The following PODN variants were observed in gnomAD, a reference collection of about 807,000 sequenced individuals.
The protein encoded by PODN is podocan proteoglycan.
A neutral mutation model predicts 52.7 loss-of-function variants in PODN; 40 were observed. That is an observed-to-expected ratio of 0.76 (90% CI 0.59 to 0.99). The LOEUF is 0.99. Ranked by LOEUF, PODN falls within the 50% of genes least tolerant of loss-of-function variation. The pLI, the probability that PODN is intolerant of heterozygous loss-of-function variation, is 0.00. For missense variants in PODN, 720 were observed against 815.1 expected (o/e 0.88, Z 1.42); for synonymous variants, 396 against 377.9 (o/e 1.05, Z -0.56).
intron 1 of PODN, among the ~76,000 whole-genome samples, chr1:53,069,417 C>T (rs575077111): frequency 2.5e-4 from 38 of 152,332 alleles, no homozygotes; most frequent in Non-Finnish European, 4.0e-4. Context: ...CCGGGACGCA[C>T]CCTGCCAGTG....
intron 9 of PODN, among the ~76,000 whole-genome samples, chr1:53,081,519 C>T (rs1015075544): frequency 2.0e-4 from 30 of 152,190 alleles, no homozygotes; most frequent in African/African-American, 7.2e-4. Flanking sequence ...GAGTGAGGGG[C>T]CTGAGATCAG....
chr1:53,077,594 T>C (rs1644214420), intron 6 of PODN, 91 bp from the exon 7 acceptor site: 1 of 1,318,464 alleles, frequency 7.6e-7, no homozygotes, highest in Non-Finnish European at 1.1e-6. Flanking sequence ...TCCTGGTGGC[T>C]TCCCAGACTC....
intron 5 of PODN, among the ~76,000 whole-genome samples, chr1:53,076,312 G>T (rs564477305): frequency 2.0e-5 from 3 of 152,360 alleles, no homozygotes; most frequent in African/African-American, 7.2e-5. Context: ...AGAGCAGTGT[G>T]GTGCAGGCGG....
intron 1 of PODN, among the ~76,000 whole-genome samples, chr1:53,065,435 T>G (rs1557645660): frequency 1.3e-5 from 2 of 152,046 alleles, no homozygotes; most frequent in Non-Finnish European, 2.9e-5. Flanking sequence ...AACCAGGTAG[T>G]AGGGCTGGAC....
Position 53,083,585 on chromosome 1 carries a change from G to A in PODN, c.*28-928G>A, listed in dbSNP as rs573611520. ...ATCCCTCCAGTCTTCCGTTTTCTCT[G>A]TGCAGCAGGGAGGTTCTCCGCAGAC... is the stretch of plus-strand genomic sequence containing the variant. On this transcript the variant is annotated intron_variant, in intron 10 of 10. Coordinates refer to ENST00000312553, the MANE Select transcript of PODN (RefSeq NM_153703.5). Among the ~76,000 whole-genome samples, 6 of 152,352 alleles carry A rather than the reference G, an allele frequency of 3.9e-5. No homozygotes were observed. In the South Asian group the frequency reaches 1.2e-3, roughly 32 times the overall value.
intron 4 of PODN, 133 bp from the exon 5 acceptor site, chr1:53,075,729 G>A (rs1009699727): frequency 8.4e-6 from 6 of 712,830 alleles, no homozygotes; most frequent in African/African-American, 5.3e-5. Context: ...GGTGGGACAA[G>A]TTTCAATTTG....
At position 53,080,803 on chromosome 1, in the gene PODN, C is replaced by T. The variant is rs1186777121; in HGVS notation, c.1588C>T (p.Gln530Ter). 3 of 1,614,132 alleles carry T rather than the reference C, an allele frequency of 1.9e-6. 1 individual carries two copies. The highest frequency in any genetic ancestry group is 2.2e-5 in the South Asian group (2 of 91,082). ...CGAGTCACTTGAGTACCTGTACCTG[C>T]AGAACAACAAGATTAGTGCGGTGCC... ...LPESLEYLYLQNNKISAVPAN... is the reference protein window; with the variant it reads ...LPESLEYLYL The change falls in exon 9 of 11, where the codon CAG (glutamine) becomes TAG (stop). Residue 530 changes from glutamine to a stop codon, truncating the protein, a stop_gained. Transcript: ENST00000312553. LOFTEE classifies it high-confidence loss of function.
chr1:53,077,401 G>C, intron 6 of PODN, 55 bp downstream of exon 6: 7 of 1,595,290 alleles, frequency 4.4e-6, no homozygotes, highest in Non-Finnish European at 6.0e-6. Context: ...CAGGGCACTG[G>C]GGCAGGGGCC....
chr1:53,066,368 C>T (rs749092712), intron 1 of PODN, among the ~76,000 whole-genome samples: 3 of 152,100 alleles, frequency 2.0e-5, no homozygotes, highest in Non-Finnish European at 2.9e-5. Context: ...ATCATGTAAT[C>T]AATATAACAA....
At position 53,071,706 on chromosome 1, in the gene PODN, G is replaced by C. The variant is rs541761623; in HGVS notation, c.406+78G>C. ...GCCTGAACGATGCTGGGTGCCCAGG[G>C]GGAGAGCTTGGCCCTGCGGATCTTG... On this transcript the variant is annotated intron_variant, in intron 3 of 10. Coordinates refer to ENST00000312553, the MANE Select transcript of PODN (RefSeq NM_153703.5). The C allele has an allele frequency of 3.3e-5, 45 of 1,379,832 alleles. No homozygotes were observed. In the South Asian group the frequency reaches 3.9e-4, roughly 12 times the overall value. The allele number at this position is 1,379,832 out of a possible 1,614,324, so 85.5% of individuals were successfully genotyped here. A position where few individuals can be genotyped will look rare whatever the true frequency, so the allele number is the denominator to read the frequency against.
chr1:53,067,013 T>G, intron 1 of PODN: 1 of 732,402 alleles, frequency 1.4e-6, no homozygotes, highest in Non-Finnish European at 2.3e-6. Context: ...GATGGGCAAG[T>G]GGCTAATGGC....
In PODN at chr1:53,082,584, C is replaced by G. The variant is rs182485200; in HGVS notation, c.*27+396C>G. Among the ~76,000 whole-genome samples the G allele has an allele frequency of 2.4e-3, 365 of 152,262 alleles. 1 individual carries two copies. The highest frequency in any genetic ancestry group is 0.017 in the Middle Eastern group (5 of 294). On this transcript the variant is annotated intron_variant, in intron 10 of 10. Coordinates refer to ENST00000312553, the MANE Select transcript of PODN (RefSeq NM_153703.5). ...GAGTGAGGGGGGCAGGTGACTGAGACAGAGCAGTTAGGAAAGGAGGTAGGA... is the reference window on the plus strand; with the variant it reads ...GAGTGAGGGGGGCAGGTGACTGAGAGAGAGCAGTTAGGAAAGGAGGTAGGA...
At chr1:53,067,641 G>T (rs1235525373) in intron 1 of PODN, among the ~76,000 whole-genome samples, 1 of 152,118 alleles carries the variant, frequency 6.6e-6, no homozygotes, top group African/African-American at 2.4e-5. Context: ...GAAGGTCCAG[G>T]CCAAGTGACT....
chr1:53,075,874 C>T lies in PODN; in HGVS notation c.484C>T (p.Pro162Ser). 6.3e-7 allele frequency: 1 copy of T among 1,599,682 alleles called. No homozygotes were observed. Among genetic ancestry groups the T allele is most frequent in the Non-Finnish European group, 8.5e-7 (1 of 1,171,616 alleles). The change falls in exon 5 of 11, where the codon CCC (proline) becomes TCC (serine). Residue 162 changes from proline (P) to serine (S), a missense_variant. By Grantham distance (74) the Pro-to-Ser change is moderately conservative. Transcript: ENST00000312553. ...CTTCCCTTCCCAGCTGACCTTGGCA[C>T]CCCGCTTCCTGCCAAACGCCCTGAT... ...YLANNKLTLA[P>S]RFLPNALISV...
intron 1 of PODN, among the ~76,000 whole-genome samples, chr1:53,062,931 T>A (rs1053846230): frequency 6.6e-6 from 1 of 152,084 alleles, no homozygotes; most frequent in African/African-American, 2.4e-5. Flanking sequence ...CAGCTGGCGG[T>A]CTGGAGTCCG....
chr1:53,062,436 C>G (rs994411974), intron 1 of PODN, 128 bp downstream of exon 1: 111 of 646,690 alleles, frequency 1.7e-4, no homozygotes, highest in Admixed American at 9.3e-4. Flanking sequence ...CATCTCACCC[C>G]CTCTGTAGGA....
At chr1:53,062,745 C>T (rs76877055) in intron 1 of PODN, among the ~76,000 whole-genome samples, 2,847 of 152,290 alleles carry the variant, frequency 0.019, 100 homozygotes, top group African/African-American at 0.065. Context: ...ACTCATCAGG[C>T]CCCCTAGCGA....
In PODN at chr1:53,071,432, C is replaced by G. The variant is rs1335563233; in HGVS notation, c.313-103C>G. On this transcript the variant is annotated intron_variant, in intron 2 of 10. Coordinates refer to ENST00000312553, the MANE Select transcript of PODN (RefSeq NM_153703.5). ...GGAGAATTCCAAGGGAGGTGCCCAG[C>G]AGGTGGACTGGATTCTAGGACTGGA... The G allele has an allele frequency of 3.1e-6, 3 of 976,288 alleles. No individual in the cohort carries two copies. The East Asian group carries it at 8.1e-5, about 26-fold the overall frequency. The allele number at this position is 976,288 out of a possible 1,614,324, so 60.5% of individuals were successfully genotyped here. A position where few individuals can be genotyped will look rare whatever the true frequency, so the allele number is the denominator to read the frequency against.
Position 53,075,866 on chromosome 1 carries a change from C to T in PODN, c.476C>T (p.Thr159Ile), listed in dbSNP as rs138793768. 2.9e-4 allele frequency: 467 copies of T among 1,595,912 alleles called. No individual in the cohort carries two copies. The highest frequency in any genetic ancestry group is 1.7e-3 in the African/African-American group (127 of 74,746). The change falls in exon 5 of 11, where the codon ACC (threonine) becomes ATC (isoleucine). Residue 159 changes from threonine (T) to isoleucine (I), a missense_variant. Transcript: ENST00000312553. ...CCCCAACTCTTCCCTTCCCAGCTGA[C>T]CTTGGCACCCCGCTTCCTGCCAAAC... ...NYLYLANNKL[T>I]LAPRFLPNAL...
Sources: allele counts gnomAD v4.1 joint callset (sites outside exome capture counted in the v4.1 genomes callset), GRCh38; gene constraint gnomAD v4.1.1; transcripts MANE v1.5; gene names NCBI Gene and HGNC (gene_info 2026-07-23, HGNC 2026-07-21).